BRINP3: variants seen among roughly 807,000 people sequenced by gnomAD.
BRINP3 encodes BMP/retinoic acid inducible neural specific 3.
Under a neutral mutation model 71.0 loss-of-function variants are expected in BRINP3, and 19 were observed. The ratio of observed to expected loss-of-function variants is 0.27; its 90% CI spans 0.19 to 0.39. BRINP3 has a LOEUF of 0.39. Ranked by LOEUF, BRINP3 falls within the 10% of genes least tolerant of loss-of-function variation. The probability of loss-of-function intolerance (pLI) is 1.00; values close to 1 mark genes in which losing one functional copy is unlikely to be tolerated. For missense variants in BRINP3, 959 were observed against 940.8 expected (o/e 1.02, Z -0.25); for synonymous variants, 380 against 337.7 (o/e 1.13, Z -1.37).
At chr1:190,405,672 A>T (rs1022169077) in intron 2 of BRINP3, among the ~76,000 whole-genome samples, 1 of 152,070 alleles carries the variant, frequency 6.6e-6, no homozygotes, top group African/African-American at 2.4e-5. Flanking sequence ...AAAGGAAAGC[A>T]ATTGCTAGAT....
chr1:190,403,215 G>A (rs1034864213), intron 2 of BRINP3, among the ~76,000 whole-genome samples: 3 of 152,066 alleles, frequency 2.0e-5, no homozygotes, highest in Non-Finnish European at 2.9e-5. Flanking sequence ...TATTGTATTT[G>A]CCTAGAGACA....
At chr1:190,297,803 T>TGTGTGC (rs761764306) in intron 2 of BRINP3, among the ~76,000 whole-genome samples, 2 of 151,000 alleles carry the variant, frequency 1.3e-5, no homozygotes, top group Non-Finnish European at 3.0e-5. Context: ...TGTGTGTGTG[T>TGTGTGC]GCGTGTGTGT....
intron 7 of BRINP3, among the ~76,000 whole-genome samples, chr1:190,159,205 T>G (rs990872767): frequency 2.0e-5 from 3 of 152,078 alleles, no homozygotes; most frequent in African/African-American, 7.2e-5. Flanking sequence ...TATAACCAAA[T>G]TGATACAAAA....
chr1:190,361,605 T>C (rs1193141113), intron 2 of BRINP3, among the ~76,000 whole-genome samples: 2 of 152,032 alleles, frequency 1.3e-5, no homozygotes, highest in Admixed American at 1.3e-4. Flanking sequence ...GTTTTCACCA[T>C]GTTTGCCAGG....
intron 2 of BRINP3, among the ~76,000 whole-genome samples, chr1:190,389,077 G>A (rs1671086179): frequency 6.6e-6 from 1 of 151,514 alleles, no homozygotes; most frequent in African/African-American, 2.4e-5. Context: ...GAACATTCTA[G>A]ACAGAGAAAA....
chr1:190,299,426 ATATT>A (rs985013844), intron 2 of BRINP3, among the ~76,000 whole-genome samples: 2 of 150,280 alleles, frequency 1.3e-5, no homozygotes, highest in Admixed American at 6.6e-5. Context: ...AAACATATAT[ATATT>A]TATTTATTTA....
chr1:190,176,142 C>T (rs1453843437), intron 6 of BRINP3, among the ~76,000 whole-genome samples: 8 of 152,158 alleles, frequency 5.3e-5, no homozygotes, highest in South Asian at 2.1e-4. Context: ...ACTTTGTAGG[C>T]ATTCTGTTTC....
intron 2 of BRINP3, among the ~76,000 whole-genome samples, chr1:190,432,869 T>C (rs1431340627): frequency 6.6e-6 from 1 of 152,174 alleles, no homozygotes; most frequent in African/African-American, 2.4e-5. Context: ...TTTGGGACTG[T>C]AGCAAAAGAT....
chr1:190,227,337 T>C (rs1657487171), intron 5 of BRINP3, among the ~76,000 whole-genome samples: 1 of 151,834 alleles, frequency 6.6e-6, no homozygotes, highest in South Asian at 2.1e-4. Context: ...TGTTGACAAA[T>C]TGCAAAATTT....
intron 2 of BRINP3, among the ~76,000 whole-genome samples, chr1:190,305,613 G>A (rs190510654): frequency 1.3e-5 from 2 of 151,476 alleles, no homozygotes; most frequent in East Asian, 2.0e-4. Flanking sequence ...GGGGTAAACT[G>A]GTCAATTGCT....
chr1:190,451,578 CT>C lies in BRINP3; in HGVS notation c.236+3076del, dbSNP rs879267060. ...AAACTAAAAACACTTTTAGAAATGCCTTTTTTTTTTTAAATGAGGCAACAAA... is the reference window on the plus strand; with the variant it reads ...AAACTAAAAACACTTTTAGAAATGCCTTTTTTTTTTAAATGAGGCAACAAA... On this transcript the variant is annotated intron_variant, in intron 2 of 7. Transcript: ENST00000367462. 1.5e-3 allele frequency among the ~76,000 whole-genome samples: 225 copies of C among 145,922 alleles called. 1 individual carries two copies. The highest frequency in any genetic ancestry group is 5.4e-3 in the East Asian group (27 of 5,030).
intron 2 of BRINP3, among the ~76,000 whole-genome samples, chr1:190,451,736 A>C (rs1234705565): frequency 2.0e-5 from 3 of 152,188 alleles, no homozygotes; most frequent in Non-Finnish European, 4.4e-5. Flanking sequence ...ATTAGTTGAC[A>C]AAAACACACT....
intron 7 of BRINP3, among the ~76,000 whole-genome samples, chr1:190,123,316 C>T (rs1337326748): frequency 6.6e-6 from 1 of 152,098 alleles, no homozygotes; most frequent in Non-Finnish European, 1.5e-5. Context: ...GGCAAATATG[C>T]AGATGCTTAT....
In BRINP3 at chr1:190,298,515, A is replaced by G. The variant is rs1032888005; in HGVS notation, c.237-16765T>C. On this transcript the variant is annotated intron_variant, in intron 2 of 7. Transcript: ENST00000367462. ...CTTAAATCATGTTCCACAATTTTTGATATTTGTGTTTTCATTTTTACTCAT... is the reference window on the plus strand; with the variant it reads ...CTTAAATCATGTTCCACAATTTTTGGTATTTGTGTTTTCATTTTTACTCAT... Among the ~76,000 whole-genome samples, 10 of 150,872 alleles carry G rather than the reference A, an allele frequency of 6.6e-5. 1 individual carries two copies. The highest frequency in any genetic ancestry group is 1.7e-4 in the African/African-American group (7 of 40,988).
intron 4 of BRINP3, among the ~76,000 whole-genome samples, chr1:190,254,603 T>C (rs1467283154): frequency 2.6e-5 from 4 of 152,208 alleles, no homozygotes; most frequent in African/African-American, 7.2e-5. Context: ...GGAATGCTTG[T>C]GATTTTTGCA....
intron 2 of BRINP3, among the ~76,000 whole-genome samples, chr1:190,287,056 TAAA>T (rs920290660): frequency 9.9e-5 from 13 of 131,080 alleles, no homozygotes; most frequent in Non-Finnish European, 1.9e-4. Context: ...CTGTCTCTAC[TAAA>T]AAAAAAAAGA....
chr1:190,241,974 T>C (rs373064795), intron 4 of BRINP3, among the ~76,000 whole-genome samples: 1 of 151,704 alleles, frequency 6.6e-6, no homozygotes, highest in South Asian at 2.1e-4. Context: ...TACCATTTAA[T>C]ATTTTTCCTC....
At chr1:190,378,659 AG>A (rs1670330429) in intron 2 of BRINP3, among the ~76,000 whole-genome samples, 1 of 152,220 alleles carries the variant, frequency 6.6e-6, no homozygotes, top group African/African-American at 2.4e-5. Context: ...ATGAAGATAA[AG>A]AAAGGCAGAG....
intron 2 of BRINP3, among the ~76,000 whole-genome samples, chr1:190,306,518 T>C (rs1665109782): frequency 6.6e-6 from 1 of 152,002 alleles, no homozygotes; most frequent in Non-Finnish European, 1.5e-5. Flanking sequence ...TTCAAGGTAA[T>C]AGAATTATTT....
Sources: gnomAD v4.1 joint callset for allele counts (sites outside exome capture counted in the v4.1 genomes callset) on GRCh38, gnomAD v4.1.1 for gene constraint, MANE v1.5 for transcripts, NCBI Gene and HGNC (gene_info 2026-07-23, HGNC 2026-07-21) for gene names.